Variants in TAF3 observed in about 807,000 individuals in gnomAD.
TAF3 encodes transcription initiation factor TFIID subunit 3.
Under a neutral mutation model 80.6 loss-of-function variants are expected in TAF3, and 7 were observed. The ratio of observed to expected loss-of-function variants is 0.09; its 90% CI spans 0.05 to 0.16. The LOEUF is 0.16. Among genes scored for constraint, TAF3 ranks in the 10% least tolerant of loss-of-function variants. TAF3 has a pLI of 1.00. For synonymous variants in TAF3, 444 were observed against 446.1 expected, an observed-to-expected ratio of 1.00 and a Z score of 0.06; for missense variants, 921 against 1,140.2, an observed-to-expected ratio of 0.81 and a Z score of 2.77.
chr10:7,823,639 T>TTC (rs925723626), intron 1 of TAF3, among the ~76,000 whole-genome samples: 1 of 150,770 alleles, frequency 6.6e-6, no homozygotes, highest in African/African-American at 2.4e-5. Context: ...CATCTCTTTT[T>TTC]TTTTTTTTTT....
At chr10:7,887,487 T>G (rs759167287) in intron 2 of TAF3, among the ~76,000 whole-genome samples, 2 of 152,126 alleles carry the variant, frequency 1.3e-5, no homozygotes, top group African/African-American at 2.4e-5. Context: ...TTTTCTCTGT[T>G]TCTTTTCTTT....
At chr10:7,854,420 G>C (rs1022410380) in intron 2 of TAF3, among the ~76,000 whole-genome samples, 1 of 152,172 alleles carries the variant, frequency 6.6e-6, no homozygotes, top group Admixed American at 6.5e-5. Context: ...TACACACATG[G>C]AAGCTCTATG....
intron 2 of TAF3, among the ~76,000 whole-genome samples, chr10:7,854,857 C>T (rs1196199958): frequency 1.3e-5 from 2 of 152,136 alleles, no homozygotes; most frequent in Non-Finnish European, 2.9e-5. Context: ...AACTTCTGAA[C>T]CACTGAGTGT....
chr10:7,892,613 ATATT>A (rs1310024568), intron 2 of TAF3, among the ~76,000 whole-genome samples: 3 of 152,282 alleles, frequency 2.0e-5, no homozygotes, highest in East Asian at 3.9e-4. Flanking sequence ...TAAAATGAAA[ATATT>A]TATTATCTCT....
intron 2 of TAF3, among the ~76,000 whole-genome samples, chr10:7,827,729 G>T (rs1191236705): frequency 1.3e-5 from 2 of 150,996 alleles, no homozygotes; most frequent in Non-Finnish European, 1.5e-5. Context: ...GCAGTGAGCC[G>T]AGATTGTGCC....
At chr10:7,877,661 G>T (rs1027178331) in intron 2 of TAF3, among the ~76,000 whole-genome samples, 3 of 152,006 alleles carry the variant, frequency 2.0e-5, no homozygotes, top group African/African-American at 7.3e-5. Flanking sequence ...AAGAATTTTA[G>T]AGGTAAAGTG....
rs574931260 is a variant in TAF3 at position 7,834,818 on chromosome 10, T to A, written c.409+10258T>A. On this transcript the variant is annotated intron_variant, in intron 2 of 6. Coordinates refer to ENST00000344293, the MANE Select transcript of TAF3 (RefSeq NM_031923.4). ...TGATTACTGAAACAGGTAAAAAAAATTTTTTTTGCTCATTCTGTCCTATGA... is the reference window on the plus strand; with the variant it reads ...TGATTACTGAAACAGGTAAAAAAAAATTTTTTTGCTCATTCTGTCCTATGA... Among the ~76,000 whole-genome samples the A allele has an allele frequency of 3.3e-5, 5 of 152,096 alleles. No homozygotes were observed. The East Asian group carries it at 7.7e-4, about 24-fold the overall frequency.
intron 2 of TAF3, among the ~76,000 whole-genome samples, chr10:7,917,641 C>T (rs762395141): frequency 2.6e-5 from 4 of 152,254 alleles, no homozygotes; most frequent in South Asian, 2.1e-4. Context: ...GAGAATAGGT[C>T]GGGTTCTGAG....
At chr10:7,949,504 C>T (rs1838061278) in intron 2 of TAF3, among the ~76,000 whole-genome samples, 2 of 152,226 alleles carry the variant, frequency 1.3e-5, no homozygotes, top group African/African-American at 4.8e-5. Context: ...TATGTAAGTC[C>T]TCCCTTCTTT....
intron 2 of TAF3, among the ~76,000 whole-genome samples, chr10:7,898,545 CAAA>C (rs35137273): frequency 3.1e-5 from 3 of 96,200 alleles, no homozygotes; most frequent in African/African-American, 4.4e-5. Flanking sequence ...GACTCTGTCT[CAAA>C]AAAAAAAAAA....
At chr10:7,875,201 A>AT (rs1011150498) in intron 2 of TAF3, among the ~76,000 whole-genome samples, 5 of 151,580 alleles carry the variant, frequency 3.3e-5, no homozygotes, top group East Asian at 1.9e-4. Context: ...CCTCCTCGAT[A>AT]TTTTTTTTCT....
chr10:7,968,639 A>G (rs1831594788), intron 3 of TAF3, among the ~76,000 whole-genome samples: 1 of 152,202 alleles, frequency 6.6e-6, no homozygotes, highest in African/African-American at 2.4e-5. Context: ...ACAACCCTCT[A>G]AGATAGATGC....
intron 2 of TAF3, among the ~76,000 whole-genome samples, chr10:7,849,842 T>A (rs1837010199): frequency 6.6e-6 from 1 of 151,840 alleles, no homozygotes; most frequent in African/African-American, 2.4e-5. Context: ...ACCATGTCTG[T>A]CTAATTTGTG....
intron 2 of TAF3, among the ~76,000 whole-genome samples, chr10:7,932,397 C>A (rs1277986219): frequency 1.3e-5 from 2 of 152,028 alleles, no homozygotes; most frequent in Non-Finnish European, 2.9e-5. Flanking sequence ...AGCACACATG[C>A]CGGAAGTACT....
At chr10:7,983,776 C>T (rs1460662009) in intron 4 of TAF3, among the ~76,000 whole-genome samples, 1 of 151,984 alleles carries the variant, frequency 6.6e-6, no homozygotes, top group Non-Finnish European at 1.5e-5. Context: ...GAACTCAAGG[C>T]TACAGTGAGC....
At chr10:7,833,872 T>C in intron 2 of TAF3, 1 of 833,398 alleles carries the variant, frequency 1.2e-6, no homozygotes, top group Non-Finnish European at 1.6e-6. Context: ...GGGAAGAGGA[T>C]GAGTTTGGAG....
In TAF3 at chr10:7,920,624, T is replaced by C. The variant is rs572006706; in HGVS notation, c.410-43296T>C. Among the ~76,000 whole-genome samples, 304 of 152,310 alleles carry C rather than the reference T, an allele frequency of 2.0e-3. 1 individual carries two copies. The highest frequency in any genetic ancestry group is 2.3e-3 in the Non-Finnish European group (158 of 68,032). On this transcript the variant is annotated intron_variant, in intron 2 of 6. Coordinates refer to ENST00000344293, the MANE Select transcript of TAF3 (RefSeq NM_031923.4). ...AGAACAAATCTGAATTTGTACGATATAAATCCCTTATCTTTACTTGATATA... is the reference window on the plus strand; with the variant it reads ...AGAACAAATCTGAATTTGTACGATACAAATCCCTTATCTTTACTTGATATA...
intron 2 of TAF3, among the ~76,000 whole-genome samples, chr10:7,873,189 C>A (rs1237840934): frequency 6.6e-6 from 1 of 151,828 alleles, no homozygotes. Flanking sequence ...AATCTTTAAT[C>A]GATAGCCATA....
At chr10:7,995,296 A>G (rs1156720403) in intron 4 of TAF3, among the ~76,000 whole-genome samples, 4 of 152,296 alleles carry the variant, frequency 2.6e-5, no homozygotes, top group Non-Finnish European at 5.9e-5. Context: ...TTCATAAGGA[A>G]TTTTTCTAAA....
Sources: allele counts gnomAD v4.1 joint callset (sites outside exome capture counted in the v4.1 genomes callset), GRCh38; gene constraint gnomAD v4.1.1; transcripts MANE v1.5; gene names NCBI Gene and HGNC (gene_info 2026-07-23, HGNC 2026-07-21).